Variants in PRKCA observed in about 807,000 individuals in gnomAD.
PRKCA encodes the protein protein kinase C alpha type.
PRKCA carries 27 observed loss-of-function variants against 87.0 expected under a neutral mutation model. The ratio of observed to expected loss-of-function variants is 0.31; its 90% confidence interval spans 0.23 to 0.43. The LOEUF (loss-of-function observed/expected upper bound fraction) is 0.43. Among genes scored for constraint, PRKCA ranks in the 20% least tolerant of loss-of-function variants. PRKCA has a pLI of 1.00. For synonymous variants in PRKCA, 329 were observed against 311.1 expected (o/e 1.06, Z -0.61); for missense variants, 518 against 852.3 (o/e 0.61, Z 4.88).
chr17:66,478,404 G>C (rs60000186), intron 2 of PRKCA, among the ~76,000 whole-genome samples: 10,061 of 152,044 alleles, frequency 0.066, 1,095 homozygotes, highest in African/African-American at 0.23. Context: ...ACAGCCATGT[G>C]CCACCACACC....
At chr17:66,609,629 T>C (rs1970296652) in intron 3 of PRKCA, among the ~76,000 whole-genome samples, 1 of 151,900 alleles carries the variant, frequency 6.6e-6, no homozygotes, top group East Asian at 1.9e-4. Context: ...ATTGTCTGAA[T>C]GATTTGACCA....
In PRKCA at chr17:66,556,871, G is replaced by T. The variant is rs555701877; in HGVS notation, c.288+60588G>T. ...TCCCTTATAAATTACCCCATCTCGG[G>T]TATGTCCTTATAACAGCATGAGAAT... On this transcript the variant is annotated intron_variant, in intron 3 of 16. Coordinates refer to ENST00000413366, the MANE Select transcript of PRKCA (RefSeq NM_002737.3). Among the ~76,000 whole-genome samples, 60 of 152,258 alleles carry T rather than the reference G, an allele frequency of 3.9e-4. 1 individual carries two copies. The highest frequency in any genetic ancestry group is 5.3e-4 in the Non-Finnish European group (36 of 68,038).
At chr17:66,573,122 C>T (rs552471052) in intron 3 of PRKCA, among the ~76,000 whole-genome samples, 4 of 152,212 alleles carry the variant, frequency 2.6e-5, no homozygotes, top group Admixed American at 2.0e-4. Context: ...TTGTGGGTTG[C>T]GCCCATGACA....
intron 3 of PRKCA, among the ~76,000 whole-genome samples, chr17:66,579,232 C>T (rs1209139572): frequency 1.3e-5 from 2 of 152,092 alleles, no homozygotes; most frequent in Non-Finnish European, 2.9e-5. Flanking sequence ...ACGTAATTAC[C>T]CTTTGTGACA....
At chr17:66,334,593 C>T (rs1353199786) in intron 2 of PRKCA, among the ~76,000 whole-genome samples, 2 of 152,036 alleles carry the variant, frequency 1.3e-5, no homozygotes, top group African/African-American at 2.4e-5. Context: ...ATTGGATGGC[C>T]GTTAAGAGAA....
chr17:66,627,140 A>T (rs1237123583), intron 3 of PRKCA, among the ~76,000 whole-genome samples: 1 of 152,190 alleles, frequency 6.6e-6, no homozygotes. Flanking sequence ...TTCATTAGGT[A>T]TTTGTTTTGC....
chr17:66,542,200 G>A (rs1464145717), intron 3 of PRKCA, among the ~76,000 whole-genome samples: 1 of 152,162 alleles, frequency 6.6e-6, no homozygotes, highest in South Asian at 2.1e-4. Context: ...AAACTGTTCT[G>A]TATTAGATGG....
intron 2 of PRKCA, among the ~76,000 whole-genome samples, chr17:66,495,809 T>C (rs561759655): frequency 1.3e-5 from 2 of 152,214 alleles, no homozygotes; most frequent in South Asian, 4.1e-4. Context: ...CATCAAGTGA[T>C]CTACCTGCCT....
chr17:66,431,209 A>G (rs1379614653), intron 2 of PRKCA, among the ~76,000 whole-genome samples: 1 of 152,190 alleles, frequency 6.6e-6, no homozygotes, highest in Non-Finnish European at 1.5e-5. Context: ...TCCTTGGGCT[A>G]CTGGGTTTAT....
intron 5 of PRKCA, among the ~76,000 whole-genome samples, chr17:66,661,489 G>A (rs570158981): frequency 4.7e-4 from 72 of 152,302 alleles, no homozygotes; most frequent in Admixed American, 3.8e-3. Context: ...TTGCACATCC[G>A]TGAAATTACT....
At chr17:66,411,209 G>A (rs1302529685) in intron 2 of PRKCA, among the ~76,000 whole-genome samples, 1 of 148,426 alleles carries the variant, frequency 6.7e-6, no homozygotes, top group Non-Finnish European at 1.5e-5. Context: ...GTAGTTGAGA[G>A]TATAGTTGTG....
intron 2 of PRKCA, among the ~76,000 whole-genome samples, chr17:66,373,096 G>A (rs1030950403): frequency 2.0e-5 from 3 of 151,926 alleles, no homozygotes; most frequent in Non-Finnish European, 4.4e-5. Context: ...ATTGATTTAT[G>A]GCTCACATGC....
intron 2 of PRKCA, among the ~76,000 whole-genome samples, chr17:66,360,746 G>C (rs1308699621): frequency 6.6e-6 from 1 of 152,150 alleles, no homozygotes; most frequent in East Asian, 1.9e-4. Context: ...CTTGTCATCC[G>C]AACTGGATAA....
In PRKCA at chr17:66,803,601, G is replaced by C. The variant is rs1453576389; in HGVS notation, c.1855-272G>C. On this transcript the variant is annotated intron_variant, in intron 16 of 16. Coordinates refer to ENST00000413366, the MANE Select transcript of PRKCA (RefSeq NM_002737.3). The surrounding 1 kb of genome is among the most constrained non-coding windows in gnomAD (Gnocchi z 4.4). ...GTGAGGTGGACGTGAGGGGACAGGGGCTGTCCCCTTGTTGCTGCCTCATTG... is the reference window on the plus strand; with the variant it reads ...GTGAGGTGGACGTGAGGGGACAGGGCCTGTCCCCTTGTTGCTGCCTCATTG... Among the ~76,000 whole-genome samples, 1 of 152,094 alleles carries C rather than the reference G, an allele frequency of 6.6e-6. No homozygotes were observed. The highest frequency in any genetic ancestry group is 1.5e-5 in the Non-Finnish European group (1 of 68,030).
Position 66,587,099 on chromosome 17 carries a change from T to C in PRKCA, c.289-54256T>C, listed in dbSNP as rs1198989707. Among the ~76,000 whole-genome samples, 6 of 152,218 alleles carry C rather than the reference T, an allele frequency of 3.9e-5. 1 individual carries two copies. The highest frequency in any genetic ancestry group is 1.4e-4 in the African/African-American group (6 of 41,462). ...GGATAGAATATGAACAGAATCCAGG[T>C]CTGGGGCCATGGATGTTGAACGTGA... On this transcript the variant is annotated intron_variant, in intron 3 of 16. Coordinates refer to ENST00000413366, the MANE Select transcript of PRKCA (RefSeq NM_002737.3).
chr17:66,518,879 C>T (rs1967061042), intron 3 of PRKCA, among the ~76,000 whole-genome samples: 1 of 152,074 alleles, frequency 6.6e-6, no homozygotes, highest in Non-Finnish European at 1.5e-5. Flanking sequence ...TTGTTAATAC[C>T]GTGTAAGGGA....
At chr17:66,443,571 A>G (rs1421075504) in intron 2 of PRKCA, among the ~76,000 whole-genome samples, 1 of 152,164 alleles carries the variant, frequency 6.6e-6, no homozygotes, top group African/African-American at 2.4e-5. Flanking sequence ...TGTTATGGTG[A>G]GTGACATGGT....
At chr17:66,693,912 G>A (rs75868656) in intron 8 of PRKCA, among the ~76,000 whole-genome samples, 89 of 152,276 alleles carry the variant, frequency 5.8e-4, no homozygotes, top group African/African-American at 2.0e-3. Flanking sequence ...GGTTTAGCCC[G>A]TAGGCTCTAG....
At position 66,470,082 on chromosome 17, in the gene PRKCA, G is replaced by A. The variant is rs965872981; in HGVS notation, c.206-26119G>A. Among the ~76,000 whole-genome samples the A allele has an allele frequency of 5.9e-5, 9 of 151,620 alleles. No homozygotes were observed. The East Asian group carries it at 1.7e-3, about 29-fold the overall frequency. On this transcript the variant is annotated intron_variant, in intron 2 of 16. Coordinates refer to ENST00000413366, the MANE Select transcript of PRKCA (RefSeq NM_002737.3). ...TAGTGGGAAAATAACAACATGACTT[G>A]GCTGCATGTCCCAGGAAGAGGCCAC...
Sources: allele counts gnomAD v4.1 joint callset (sites outside exome capture counted in the v4.1 genomes callset), GRCh38; gene constraint gnomAD v4.1.1; non-coding constraint Gnocchi (gnomAD v3.1); transcripts MANE v1.5; gene names NCBI Gene and HGNC (gene_info 2026-07-23, HGNC 2026-07-21).